MACROD2: variants seen among roughly 807,000 people sequenced by gnomAD.
MACROD2 encodes the protein mono-ADP ribosylhydrolase 2.
In MACROD2, 36 loss-of-function variants were observed where a neutral mutation model predicts 70.4. The ratio of observed to expected loss-of-function variants is 0.51; its 90% confidence interval spans 0.39 to 0.68. MACROD2 has a LOEUF of 0.68. Among genes scored for constraint, MACROD2 ranks in the 30% least tolerant of loss-of-function variants. The pLI is 0.00. For missense variants in MACROD2, 496 were observed against 538.4 expected (o/e 0.92, Z 0.78); for synonymous variants, 172 against 178.8 (o/e 0.96, Z 0.30).
At chr20:14,174,474 C>G (rs1312737048) in intron 3 of MACROD2, among the ~76,000 whole-genome samples, 3 of 152,086 alleles carry the variant, frequency 2.0e-5, no homozygotes, top group African/African-American at 7.2e-5. Flanking sequence ...ATAGGCCTCA[C>G]CCAGCTCCCA....
chr20:14,501,624 T>C (rs2084915699), intron 4 of MACROD2, among the ~76,000 whole-genome samples: 1 of 152,164 alleles, frequency 6.6e-6, no homozygotes, highest in Non-Finnish European at 1.5e-5. Context: ...TTATTTATAT[T>C]TGTATGTTTC....
At chr20:14,444,602 C>G (rs1032820222) in intron 3 of MACROD2, among the ~76,000 whole-genome samples, 1 of 152,000 alleles carries the variant, frequency 6.6e-6, no homozygotes, top group Admixed American at 6.6e-5. Flanking sequence ...CTGATGACTC[C>G]CAAATTTGTA....
chr20:14,545,813 T>C (rs1295142033), intron 4 of MACROD2, among the ~76,000 whole-genome samples: 8 of 152,160 alleles, frequency 5.3e-5, no homozygotes, highest in Non-Finnish European at 7.4e-5. Flanking sequence ...GCAGTGAAGG[T>C]GTCTTATTTA....
chr20:15,610,624 C>G (rs919142652), intron 8 of MACROD2, among the ~76,000 whole-genome samples: 1 of 152,204 alleles, frequency 6.6e-6, no homozygotes, highest in Admixed American at 6.5e-5. Context: ...AACACAGCAG[C>G]AGTCACAGGT....
At chr20:14,366,960 A>G (rs896533760) in intron 3 of MACROD2, among the ~76,000 whole-genome samples, 4 of 152,136 alleles carry the variant, frequency 2.6e-5, no homozygotes, top group South Asian at 2.1e-4. Context: ...TGTATGTCTT[A>G]TAGCCTTTTG....
chr20:14,585,374 T>C (rs1366610086), intron 4 of MACROD2, among the ~76,000 whole-genome samples: 2 of 152,172 alleles, frequency 1.3e-5, no homozygotes, highest in Non-Finnish European at 1.5e-5. Flanking sequence ...TCCGAAGAGT[T>C]AAAATTAAGC....
At chr20:14,204,971 G>A (rs969601657) in intron 3 of MACROD2, among the ~76,000 whole-genome samples, 1 of 152,092 alleles carries the variant, frequency 6.6e-6, no homozygotes, top group African/African-American at 2.4e-5. Flanking sequence ...ATTTCTTCAA[G>A]AAGTAGAAAT....
intron 8 of MACROD2, among the ~76,000 whole-genome samples, chr20:15,840,372 C>A (rs73248312): frequency 6.6e-6 from 1 of 152,128 alleles, no homozygotes; most frequent in African/African-American, 2.4e-5. Context: ...TTGCCGGGGA[C>A]AACATGTGTG....
At chr20:14,959,153 C>T (rs771914516) in intron 5 of MACROD2, among the ~76,000 whole-genome samples, 7 of 152,118 alleles carry the variant, frequency 4.6e-5, no homozygotes, top group South Asian at 2.1e-4. Context: ...TTGTTTGAGA[C>T]GGAGTTTCGC....
intron 3 of MACROD2, among the ~76,000 whole-genome samples, chr20:14,119,533 A>T (rs1242450953): frequency 1.3e-5 from 2 of 152,116 alleles, no homozygotes; most frequent in Non-Finnish European, 2.9e-5. Context: ...GTGTTTCTGT[A>T]ACATTCCTGG....
chr20:15,815,041 T>C (rs761306195), intron 8 of MACROD2, among the ~76,000 whole-genome samples: 5 of 152,208 alleles, frequency 3.3e-5, no homozygotes, highest in Non-Finnish European at 5.9e-5. Flanking sequence ...GGGGGTACTT[T>C]ATCCATCTTA....
At chr20:15,131,516 G>A (rs1298911281) in intron 5 of MACROD2, among the ~76,000 whole-genome samples, 1 of 152,002 alleles carries the variant, frequency 6.6e-6, no homozygotes, top group Admixed American at 6.6e-5. Context: ...GTAAAGGGTA[G>A]AATAATCATT....
intron 5 of MACROD2, among the ~76,000 whole-genome samples, chr20:15,003,994 C>G (rs542722137): frequency 6.6e-6 from 1 of 152,182 alleles, no homozygotes; most frequent in East Asian, 1.9e-4. Context: ...TGTAGATGGA[C>G]AGCTTTGACC....
At chr20:14,948,427 T>C (rs1398649438) in intron 5 of MACROD2, among the ~76,000 whole-genome samples, 1 of 152,196 alleles carries the variant, frequency 6.6e-6, no homozygotes, top group Non-Finnish European at 1.5e-5. Flanking sequence ...GGGTGGCATC[T>C]ATCACTTACT....
At chr20:15,183,766 G>C (rs1330117500) in intron 5 of MACROD2, among the ~76,000 whole-genome samples, 1 of 152,152 alleles carries the variant, frequency 6.6e-6, no homozygotes, top group Non-Finnish European at 1.5e-5. Flanking sequence ...ATCACATCCT[G>C]AACAAAAGCC....
intron 6 of MACROD2, among the ~76,000 whole-genome samples, chr20:15,271,039 T>C (rs2077341647): frequency 6.6e-6 from 1 of 152,222 alleles, no homozygotes; most frequent in Non-Finnish European, 1.5e-5. Flanking sequence ...TCTCCAAAAC[T>C]GTGTAAGCTT....
At chr20:15,602,190 A>G (rs1203927547) in intron 8 of MACROD2, among the ~76,000 whole-genome samples, 2 of 152,166 alleles carry the variant, frequency 1.3e-5, no homozygotes, top group Non-Finnish European at 2.9e-5. Flanking sequence ...ACCAGCCTCT[A>G]TACGGATTGA....
At chr20:15,433,109 GA>G (rs2046383816) in intron 7 of MACROD2, among the ~76,000 whole-genome samples, 2 of 151,974 alleles carry the variant, frequency 1.3e-5, no homozygotes, top group Admixed American at 1.3e-4. Context: ...ACTGAATGGG[GA>G]AAAGTTAAAA....
intron 2 of MACROD2, among the ~76,000 whole-genome samples, chr20:14,071,262 T>G (rs949733577): frequency 3.2e-5 from 4 of 126,644 alleles, no homozygotes; most frequent in Non-Finnish European, 6.7e-5. Context: ...GTTTTTTTTT[T>G]TTTTTTTTTT....
Sources: allele counts gnomAD v4.1 joint callset (sites outside exome capture counted in the v4.1 genomes callset), GRCh38; gene constraint gnomAD v4.1.1; transcripts MANE v1.5; gene names NCBI Gene and HGNC (gene_info 2026-07-23, HGNC 2026-07-21).